Variants in ARHGAP42 observed in about 807,000 individuals in gnomAD.
The protein encoded by ARHGAP42 is rho GTPase-activating protein 42.
A neutral mutation model predicts 125.0 loss-of-function variants in ARHGAP42; 63 were observed. The observed-to-expected ratio is 0.50, with a 90% CI of 0.41 to 0.62. ARHGAP42 has a LOEUF of 0.62. Among genes scored for constraint, ARHGAP42 ranks in the 20% least tolerant of loss-of-function variants. ARHGAP42 has a pLI of 0.00. For synonymous variants in ARHGAP42, 339 were observed against 351.0 expected (o/e 0.97, Z 0.38); for missense variants, 766 against 1,024.2 (o/e 0.75, Z 3.44).
intron 4 of ARHGAP42, among the ~76,000 whole-genome samples, chr11:100,905,648 A>G (rs1427083666): frequency 6.6e-6 from 1 of 152,108 alleles, no homozygotes; most frequent in African/African-American, 2.4e-5. Flanking sequence ...AATTTTGCTT[A>G]ATATTCTGTT....
intron 1 of ARHGAP42, among the ~76,000 whole-genome samples, chr11:100,731,599 A>T (rs1216748): frequency 0.13 from 19,468 of 152,244 alleles, 1,667 homozygotes; most frequent in Non-Finnish European, 0.19. Flanking sequence ...TTCTTTAAAT[A>T]GATAAGACTT....
chr11:100,943,827 A>C lies in ARHGAP42; in HGVS notation c.1002A>C (p.Ser334=), dbSNP rs1358902035. Residue 334 remains serine (S), a synonymous_variant, in exon 10 of 24, where the codon TCA becomes TCC. Coordinates refer to ENST00000298815, the MANE Select transcript of ARHGAP42 (RefSeq NM_152432.4). The part of the protein sequence containing the change: ...LKSCIRRKTD[S]IDKRFCFDIE... ...CTTGTATCCGACGAAAGACAGATTC[A>C]ATTGACAAACGATTCTGCTTTGACA... 1 of 1,549,768 alleles carries C rather than the reference A, an allele frequency of 6.5e-7. No individual in the cohort carries two copies. The highest frequency in any genetic ancestry group is 2.5e-5 in the East Asian group (1 of 40,802).
intron 1 of ARHGAP42, among the ~76,000 whole-genome samples, chr11:100,723,391 TAA>T (rs1455491990): frequency 1.3e-5 from 2 of 152,232 alleles, no homozygotes; most frequent in East Asian, 3.8e-4. Flanking sequence ...TTGACAACAT[TAA>T]GTCTTCCTAT....
At chr11:100,801,961 G>A (rs749475124) in intron 3 of ARHGAP42, among the ~76,000 whole-genome samples, 6 of 152,258 alleles carry the variant, frequency 3.9e-5, no homozygotes, top group South Asian at 4.2e-4. Context: ...TAAAAAGTGC[G>A]TCTTTATTGG....
intron 1 of ARHGAP42, among the ~76,000 whole-genome samples, chr11:100,744,782 TATAA>T (rs1005270650): frequency 6.6e-6 from 1 of 152,194 alleles, no homozygotes; most frequent in Non-Finnish European, 1.5e-5. Context: ...TCACCATTGT[TATAA>T]ATAAAGTTTC....
intron 22 of ARHGAP42, among the ~76,000 whole-genome samples, chr11:100,985,855 G>A (rs1199193021): frequency 6.6e-6 from 1 of 152,192 alleles, no homozygotes; most frequent in African/African-American, 2.4e-5. Context: ...TGGAAGTGTA[G>A]GGTTAAGATC....
intron 3 of ARHGAP42, among the ~76,000 whole-genome samples, chr11:100,847,450 T>C (rs1354646877): frequency 6.6e-6 from 1 of 152,184 alleles, no homozygotes; most frequent in Non-Finnish European, 1.5e-5. Flanking sequence ...ATGCCTTTTC[T>C]TTAAGGACCC....
rs1475212525 is a variant in ARHGAP42 at position 100,705,486 on chromosome 11, T to C, written c.154+17654T>C. On this transcript the variant is annotated intron_variant, in intron 1 of 23. Coordinates refer to ENST00000298815, the MANE Select transcript of ARHGAP42 (RefSeq NM_152432.4). ...TTGTCCTTAATATGGGAGCAATATT[T>C]ACTTTATCTGCATATTTTTGGGATT... is the stretch of plus-strand genomic sequence containing the variant. 3.9e-5 allele frequency among the ~76,000 whole-genome samples: 6 copies of C among 152,344 alleles called. No individual in the cohort carries two copies. In the East Asian group the frequency reaches 9.6e-4, roughly 24 times the overall value.
At chr11:100,714,642 A>G (rs1861623170) in intron 1 of ARHGAP42, among the ~76,000 whole-genome samples, 1 of 152,204 alleles carries the variant, frequency 6.6e-6, no homozygotes. Context: ...GACATCAGTT[A>G]GCGTAGAGAT....
intron 3 of ARHGAP42, among the ~76,000 whole-genome samples, chr11:100,836,317 T>C (rs979585258): frequency 1.3e-5 from 2 of 152,138 alleles, no homozygotes; most frequent in Non-Finnish European, 2.9e-5. Context: ...TTTAAACTGT[T>C]ACTGGTTCCT....
chr11:100,878,193 A>G (rs537067909), intron 4 of ARHGAP42, among the ~76,000 whole-genome samples: 17 of 151,604 alleles, frequency 1.1e-4, no homozygotes, highest in Non-Finnish European at 2.5e-4. Context: ...CAATGGCACA[A>G]TCTCAGCTCA....
At chr11:100,919,561 T>C in intron 5 of ARHGAP42, among the ~76,000 whole-genome samples, 1 of 152,250 alleles carries the variant, frequency 6.6e-6, no homozygotes, top group East Asian at 1.9e-4. Context: ...TGATGTTATG[T>C]ATTTTTTCTT....
At chr11:100,884,807 C>G (rs955893035) in intron 4 of ARHGAP42, among the ~76,000 whole-genome samples, 5 of 152,256 alleles carry the variant, frequency 3.3e-5, no homozygotes, top group African/African-American at 1.2e-4. Flanking sequence ...TAGGTATTCT[C>G]CTCCAGGGTA....
intron 1 of ARHGAP42, among the ~76,000 whole-genome samples, chr11:100,727,051 A>G (rs1298413032): frequency 2.0e-5 from 3 of 152,206 alleles, no homozygotes; most frequent in Admixed American, 6.5e-5. Context: ...GGGATCCGTG[A>G]AAATCACCTG....
chr11:100,915,807 A>G (rs2135235240), intron 5 of ARHGAP42, among the ~76,000 whole-genome samples: 1 of 152,336 alleles, frequency 6.6e-6, no homozygotes, highest in East Asian at 1.9e-4. Flanking sequence ...TTGTTAAAGT[A>G]GCTTCCCAGG....
intron 4 of ARHGAP42, among the ~76,000 whole-genome samples, chr11:100,860,227 C>A (rs1865414474): frequency 1.3e-5 from 2 of 152,228 alleles, no homozygotes; most frequent in Non-Finnish European, 2.9e-5. Context: ...CCATCCTTCC[C>A]TCATTCTTAC....
chr11:100,903,709 A>AAAAAAAAATATATAT (rs1332890022), intron 4 of ARHGAP42, among the ~76,000 whole-genome samples: 2 of 63,504 alleles, frequency 3.1e-5, no homozygotes, highest in African/African-American at 6.8e-5. Context: ...TGTCCCTCAA[A>AAAAAAAAATATATAT]ATATATATAT....
At chr11:100,965,521 C>G in intron 16 of ARHGAP42, 150 bp from the exon 17 acceptor site, 1 of 703,250 alleles carries the variant, frequency 1.4e-6, no homozygotes, top group Non-Finnish European at 2.4e-6. Flanking sequence ...CTTCTGCAAG[C>G]CATAGGGAAT....
chr11:100,838,778 C>T (rs1864875581), intron 3 of ARHGAP42, among the ~76,000 whole-genome samples: 1 of 152,034 alleles, frequency 6.6e-6, no homozygotes, highest in African/African-American at 2.4e-5. Context: ...GTTTATAGGG[C>T]ATATAATGCT....
Sources: gnomAD v4.1 joint callset for allele counts (sites outside exome capture counted in the v4.1 genomes callset) on GRCh38, gnomAD v4.1.1 for gene constraint, MANE v1.5 for transcripts, NCBI Gene and HGNC (gene_info 2026-07-23, HGNC 2026-07-21) for gene names.